Variants in TASOR observed in about 807,000 individuals in gnomAD.
The protein encoded by TASOR is transcription activation suppressor.
In TASOR, 53 loss-of-function variants were observed where a neutral mutation model predicts 178.6. The ratio of observed to expected loss-of-function variants is 0.30; its 90% CI spans 0.24 to 0.37. The LOEUF (loss-of-function observed/expected upper bound fraction) is 0.37, where lower values mean the gene tolerates loss of function less well. TASOR is among the 10% of genes least tolerant of loss of function. The pLI is 1.00. For synonymous variants in TASOR, 713 were observed against 696.2 expected, an observed-to-expected ratio of 1.02 and a Z score of -0.38; for missense variants, 1,815 against 1,971.4, an observed-to-expected ratio of 0.92 and a Z score of 1.50.
chr3:56,664,787 A>G (rs543937373), intron 7 of TASOR, among the ~76,000 whole-genome samples: 10 of 152,206 alleles, frequency 6.6e-5, no homozygotes, highest in South Asian at 2.1e-4. Context: ...ACACATGGGG[A>G]AAAAAAATGG....
At chr3:56,669,260 T>C (rs2030403868) in intron 5 of TASOR, among the ~76,000 whole-genome samples, 1 of 151,970 alleles carries the variant, frequency 6.6e-6, no homozygotes, top group African/African-American at 2.4e-5. Context: ...TCCCAGCACT[T>C]TGGGAGGCTG....
At position 56,628,619 on chromosome 3, in the gene TASOR, TAAAGAA is replaced by T; in HGVS notation, c.3748-11_3748-6del. On this transcript the variant is annotated splice_region_variant and splice_polypyrimidine_tract_variant and intron_variant, in intron 18 of 23. Transcript: ENST00000683822. ...GCCTAATTTGATAAGATATTCCTGT[TAAAGAA>T]AAACAACTAAATCAATATTAAAATA... 6.5e-7 allele frequency: 1 copy of T among 1,526,934 alleles called. No individual in the cohort carries two copies. Among genetic ancestry groups the T allele is most frequent in the Non-Finnish European group, 8.9e-7 (1 of 1,123,178 alleles). 94.6% of individuals were successfully genotyped at this position (1,526,934 alleles called of 1,614,324 possible).
At chr3:56,638,184 G>C (rs1165101268) in intron 17 of TASOR, among the ~76,000 whole-genome samples, 1 of 151,964 alleles carries the variant, frequency 6.6e-6, no homozygotes, top group African/African-American at 2.4e-5. Flanking sequence ...GGCAAACATG[G>C]TGAAATCCCG....
chr3:56,637,427 C>T (rs149773842), intron 17 of TASOR, among the ~76,000 whole-genome samples: 1 of 152,048 alleles, frequency 6.6e-6, no homozygotes, highest in African/African-American at 2.4e-5. Context: ...GAGGCTGAGG[C>T]AGGAGAATCG....
chr3:56,677,894 A>AT (rs1391549192), intron 1 of TASOR, among the ~76,000 whole-genome samples: 1 of 152,190 alleles, frequency 6.6e-6, no homozygotes, highest in Non-Finnish European at 1.5e-5. Context: ...TCTTTCACAC[A>AT]TTAAGAAATG....
Position 56,667,081 on chromosome 3 carries a change from G to A in TASOR, c.898-697C>T, listed in dbSNP as rs948079494. The stretch of plus-strand genomic sequence containing the variant: ...AAAATGGCTGGAGTTTTTAAAAAAC[G>A]TAAGGCCAGTTTGCAAGTCCTTCTA... On this transcript the variant is annotated intron_variant, in intron 6 of 23. Coordinates refer to ENST00000683822, the MANE Select transcript of TASOR (RefSeq NM_001365635.2). Among the ~76,000 whole-genome samples the A allele has an allele frequency of 6.6e-5, 10 of 152,168 alleles. 1 individual carries two copies. The highest frequency in any genetic ancestry group is 1.9e-4 in the East Asian group (1 of 5,180).
At chr3:56,653,460 A>C (rs2077400535) in intron 11 of TASOR, among the ~76,000 whole-genome samples, 1 of 151,758 alleles carries the variant, frequency 6.6e-6, no homozygotes, top group Non-Finnish European at 1.5e-5. Context: ...CCAAAAAAAA[A>C]AAAGATTTAA....
chr3:56,628,447 G>C, intron 19 of TASOR, 45 bp downstream of exon 19: 1 of 1,533,286 alleles, frequency 6.5e-7, no homozygotes, highest in Non-Finnish European at 8.9e-7. Context: ...TTTAAAATAA[G>C]GGAGTTTTTA....
At chr3:56,627,434 G>T in intron 20 of TASOR, 148 bp downstream of exon 20, 1 of 889,342 alleles carries the variant, frequency 1.1e-6, no homozygotes. Context: ...ATTGGTCTAA[G>T]AGAAGGAGAA....
intron 7 of TASOR, among the ~76,000 whole-genome samples, chr3:56,665,787 C>T (rs2077697220): frequency 6.6e-6 from 1 of 151,994 alleles, no homozygotes; most frequent in Admixed American, 6.6e-5. Flanking sequence ...CTGGGTAACA[C>T]AGTGAAACCC....
chr3:56,653,289 AGAAAAG>A (rs2077394168), intron 11 of TASOR, among the ~76,000 whole-genome samples: 2 of 88,414 alleles, frequency 2.3e-5, no homozygotes, highest in African/African-American at 9.4e-5. Context: ...AAAAAAAAAA[AGAAAAG>A]ACAAGCTAAA....
rs1258255261 is a variant in TASOR, at chr3:56,671,612, A to G, written c.558T>C (p.Val186=). 2.6e-6 allele frequency: 4 copies of G among 1,547,856 alleles called. No homozygotes were observed. The highest frequency in any genetic ancestry group is 3.5e-6 in the Non-Finnish European group (4 of 1,145,162). ...ELSESYAFLM[V]DRYQVQTICE... is the part of the protein sequence containing the mutation. Reference sequence around the variant, plus strand: ...TGCGTTAACTCACCTGGTATCGATCAACCATCAGAAATGCATAGGATTCTG... The same window carrying G: ...TGCGTTAACTCACCTGGTATCGATCGACCATCAGAAATGCATAGGATTCTG... Residue 186 remains valine (V), a synonymous_variant, in exon 3 of 24, where the codon GTT becomes GTC. Transcript: ENST00000683822.
intron 23 of TASOR, among the ~76,000 whole-genome samples, chr3:56,624,154 T>C (rs755679480): frequency 6.6e-6 from 1 of 152,152 alleles, no homozygotes; most frequent in Non-Finnish European, 1.5e-5. Flanking sequence ...TTTATTAATA[T>C]AACCCCTTTG....
At chr3:56,624,047 G>C (rs2076745533) in intron 23 of TASOR, among the ~76,000 whole-genome samples, 1 of 152,094 alleles carries the variant, frequency 6.6e-6, no homozygotes, top group Non-Finnish European at 1.5e-5. Context: ...AAAGATTAAA[G>C]CTATGACAGC....
chr3:56,637,020 T>C (rs914184167), intron 17 of TASOR, among the ~76,000 whole-genome samples: 1 of 152,020 alleles, frequency 6.6e-6, no homozygotes, highest in Non-Finnish European at 1.5e-5. Context: ...AAAGAATTAC[T>C]GATAGATGCA....
intron 11 of TASOR, among the ~76,000 whole-genome samples, chr3:56,656,486 G>C (rs1362666659): frequency 6.6e-6 from 1 of 152,154 alleles, no homozygotes; most frequent in East Asian, 1.9e-4. Context: ...AGCTACTCAG[G>C]AGGCTGAGGC....
Position 56,682,818 on chromosome 3 carries a change from G to A in TASOR, c.189C>T (p.Ala63=). Residue 63 remains alanine, a synonymous_variant, in exon 1 of 24, where the codon GCC becomes GCT. Transcript: ENST00000683822. ...GGAGREENAG[A]EAAQSLSHEQ... is the part of the protein sequence containing the mutation. ...CGTGGCTGAGGCTCTGGGCGGCCTCGGCCCCCGCGTTCTCCTCACGCCCAG... is the reference window on the plus strand; with the variant it reads ...CGTGGCTGAGGCTCTGGGCGGCCTCAGCCCCCGCGTTCTCCTCACGCCCAG... The A allele has an allele frequency of 6.5e-7, 1 of 1,550,352 alleles. No homozygotes were observed.
intron 1 of TASOR, among the ~76,000 whole-genome samples, chr3:56,678,303 T>A (rs1424522444): frequency 2.7e-5 from 4 of 149,354 alleles, no homozygotes; most frequent in African/African-American, 9.9e-5. Context: ...TGCCTCAGCC[T>A]CCCGAGCAGC....
intron 11 of TASOR, 55 bp from the exon 12 acceptor site, chr3:56,649,112 A>G: frequency 1.5e-6 from 2 of 1,314,866 alleles, no homozygotes; most frequent in Non-Finnish European, 2.1e-6. Context: ...ATTCACCATA[A>G]GGCAGACACA....
Sources: allele counts gnomAD v4.1 joint callset (sites outside exome capture counted in the v4.1 genomes callset), GRCh38; gene constraint gnomAD v4.1.1; transcripts MANE v1.5; gene names NCBI Gene and HGNC (gene_info 2026-07-23, HGNC 2026-07-21).